The following EFHD1 variants were observed in gnomAD, a reference collection of about 807,000 sequenced individuals.
EFHD1 encodes EF-hand domain family member D1, also known as EF-hand domain-containing protein D1.
EFHD1 carries 10 observed loss-of-function variants against 17.2 expected under a neutral mutation model. That is an observed-to-expected ratio of 0.58 (90% CI 0.36 to 0.99). EFHD1 has a LOEUF of 0.99. Among genes scored for constraint, EFHD1 ranks in the 50% least tolerant of loss-of-function variants. EFHD1 has a pLI of 0.01. For missense variants in EFHD1, 310 were observed against 327.5 expected (o/e 0.95, Z 0.41); for synonymous variants, 153 against 142.0 (o/e 1.08, Z -0.55).
chr2:232,613,698 A>G (rs1427105738), intron 1 of EFHD1, among the ~76,000 whole-genome samples: 1 of 148,194 alleles, frequency 6.7e-6, no homozygotes, highest in Non-Finnish European at 1.5e-5. Context: ...ACAAATATAC[A>G]CACACATACA....
chr2:232,648,776 C>T (rs1004473971), intron 1 of EFHD1, among the ~76,000 whole-genome samples: 2 of 152,092 alleles, frequency 1.3e-5, no homozygotes, highest in African/African-American at 4.8e-5. Flanking sequence ...CCTGGGTGAC[C>T]GTGATGCTCT....
intron 1 of EFHD1, among the ~76,000 whole-genome samples, chr2:232,619,022 A>T (rs1043479997): frequency 1.3e-5 from 2 of 151,638 alleles, no homozygotes; most frequent in African/African-American, 4.8e-5. Flanking sequence ...GGTGGCAGGC[A>T]TCTGTAATCC....
chr2:232,666,032 G>C (rs1173417833), intron 2 of EFHD1, among the ~76,000 whole-genome samples: 1 of 152,214 alleles, frequency 6.6e-6, no homozygotes, highest in Non-Finnish European at 1.5e-5. Context: ...GCGTTGGTCT[G>C]TCTAGGCTAG....
intron 1 of EFHD1, among the ~76,000 whole-genome samples, chr2:232,656,620 A>G (rs1694767031): frequency 1.3e-5 from 2 of 151,702 alleles, no homozygotes; most frequent in Admixed American, 6.6e-5. Flanking sequence ...ATATTTTTGA[A>G]GAGACAGGGT....
Position 232,627,014 on chromosome 2 carries a change from GTCTC to G in EFHD1, c.14+20861_14+20864del, listed in dbSNP as rs34012045. On this transcript the variant is annotated intron_variant, in intron 1 of 3. Coordinates refer to the EFHD1 transcript ENST00000409613. ...AGCCTGGGCAACATAGTGAGATCCTGTCTCTCTCTCTCTCTCTCTCTCTATATAT... is the reference window on the plus strand; with the variant it reads ...AGCCTGGGCAACATAGTGAGATCCTGTCTCTCTCTCTCTCTCTCTATATAT... 3.7e-3 allele frequency among the ~76,000 whole-genome samples: 259 copies of G among 69,730 alleles called. 1 individual carries two copies. Among genetic ancestry groups the G allele is most frequent in the African/African-American group, 0.012 (230 of 19,080 alleles). 45.7% of individuals were successfully genotyped at this position (69,730 alleles called of 152,430 possible).
chr2:232,613,296 C>T (rs183633722), intron 1 of EFHD1, among the ~76,000 whole-genome samples: 1 of 151,836 alleles, frequency 6.6e-6, no homozygotes, highest in South Asian at 2.1e-4. Context: ...TGATGGCATG[C>T]ACCTGAAATC....
At chr2:232,637,448 A>T (rs1328932861) in intron 1 of EFHD1, among the ~76,000 whole-genome samples, 1 of 146,674 alleles carries the variant, frequency 6.8e-6, no homozygotes, top group East Asian at 2.0e-4. Context: ...GGTTCATGCC[A>T]TTCTCTTGCC....
Position 232,662,886 on chromosome 2 carries a change from G to C in EFHD1, c.387G>C (p.Leu129=). The part of the protein sequence containing the change: ...MEKLGAPQTH[L]GLKSMIKEVD... ...AGCTGGGGGCCCCCCAGACCCACCT[G>C]GGCCTGAAGAGCATGATCAAGGAGG... The change falls in exon 2 of 4, where the codon CTG becomes CTC. Residue 129 remains leucine, a synonymous_variant. Transcript: ENST00000264059. The C allele has an allele frequency of 6.3e-7, 1 of 1,594,620 alleles. No homozygotes were observed. The highest frequency in any genetic ancestry group is 8.5e-7 in the Non-Finnish European group (1 of 1,172,602).
chr2:232,650,239 CAG>C (rs1478862357), intron 1 of EFHD1: 5 of 150,396 alleles, frequency 3.3e-5, no homozygotes, highest in African/African-American at 9.9e-5. Flanking sequence ...AGGATGCAAA[CAG>C]GGGTGCAGGG....
At chr2:232,615,381 G>T (rs1559336524) in intron 1 of EFHD1, among the ~76,000 whole-genome samples, 1 of 149,602 alleles carries the variant, frequency 6.7e-6, no homozygotes. Context: ...AGAAGGTCAA[G>T]GTTGATACTG....
intron 2 of EFHD1, among the ~76,000 whole-genome samples, chr2:232,664,682 C>T (rs1375021860): frequency 4.5e-5 from 6 of 132,684 alleles, no homozygotes; most frequent in South Asian, 5.0e-4. Flanking sequence ...GGTGTGATCT[C>T]GGCTCACTAC....
intron 1 of EFHD1, among the ~76,000 whole-genome samples, chr2:232,619,513 G>T (rs1325073945): frequency 6.6e-6 from 1 of 151,964 alleles, no homozygotes; most frequent in Admixed American, 6.6e-5. Flanking sequence ...GTTTCACCAT[G>T]TTGGCCAGGC....
chr2:232,654,564 G>T (rs940326409), intron 1 of EFHD1, among the ~76,000 whole-genome samples: 11 of 151,802 alleles, frequency 7.2e-5, no homozygotes, highest in Middle Eastern at 3.2e-3. Context: ...GGGATTACAG[G>T]TGTGGGTATC....
intron 2 of EFHD1, among the ~76,000 whole-genome samples, chr2:232,665,195 T>C (rs1206968642): frequency 6.6e-6 from 1 of 152,168 alleles, no homozygotes; most frequent in Non-Finnish European, 1.5e-5. Context: ...AATTTTGAGA[T>C]ACTGGCATCC....
chr2:232,622,292 A>AC (rs771061037), intron 1 of EFHD1, among the ~76,000 whole-genome samples: 6 of 152,142 alleles, frequency 3.9e-5, no homozygotes, highest in Non-Finnish European at 8.8e-5. Flanking sequence ...ACATGGTGAA[A>AC]CCCCGACCCT....
intron 1 of EFHD1, chr2:232,638,043 G>A: frequency 4.8e-6 from 1 of 208,276 alleles, no homozygotes; most frequent in Non-Finnish European, 9.9e-6. Context: ...CCCGGCCAGA[G>A]AAAGTTCCCT....
chr2:232,662,946 G>A lies in EFHD1; in HGVS notation c.447G>A (p.Arg149=). 1.3e-6 allele frequency: 2 copies of A among 1,582,592 alleles called. No individual in the cohort carries two copies. The highest frequency in any genetic ancestry group is 1.7e-6 in the Non-Finnish European group (2 of 1,167,846). ...ACTTCGATGGCAAGCTCAGCTTCCGGGAGGTACCTGCCTGCTGTGGCCCTG... is the reference window on the plus strand; with the variant it reads ...ACTTCGATGGCAAGCTCAGCTTCCGAGAGGTACCTGCCTGCTGTGGCCCTG... The part of the protein sequence containing the change: ...DEDFDGKLSF[R]EFLLIFHKAA... The change falls in exon 2 of 4, where the codon CGG becomes CGA. Residue 149 remains arginine (R), a synonymous_variant. Transcript: ENST00000264059.
intron 1 of EFHD1, among the ~76,000 whole-genome samples, chr2:232,618,974 T>C (rs1192573055): frequency 1.3e-5 from 2 of 151,770 alleles, no homozygotes; most frequent in Non-Finnish European, 2.9e-5. Flanking sequence ...TGAAACACCA[T>C]CTCTACTAAA....
chr2:232,641,098 A>G (rs1438245176), intron 1 of EFHD1, among the ~76,000 whole-genome samples: 1 of 152,162 alleles, frequency 6.6e-6, no homozygotes, highest in Non-Finnish European at 1.5e-5. Flanking sequence ...GCTGGAGTGC[A>G]GTTGCACAGT....
Sources: allele counts gnomAD v4.1 joint callset (sites outside exome capture counted in the v4.1 genomes callset), GRCh38; gene constraint gnomAD v4.1.1; transcripts MANE v1.5; gene names NCBI Gene and HGNC (gene_info 2026-07-23, HGNC 2026-07-21).